Variants in SWT1 observed in about 807,000 individuals in gnomAD.
The protein encoded by SWT1 is SWT1 RNA endoribonuclease homolog.
A neutral mutation model predicts 107.3 loss-of-function variants in SWT1; 33 were observed. The ratio of observed to expected loss-of-function variants is 0.31; its 90% CI spans 0.23 to 0.41. The LOEUF (loss-of-function observed/expected upper bound fraction) is 0.41, where lower values mean the gene tolerates loss of function less well. Ranked by LOEUF, SWT1 falls within the 10% of genes least tolerant of loss-of-function variation. SWT1 has a pLI of 1.00. For missense variants in SWT1, 898 were observed against 1,028.9 expected, an observed-to-expected ratio of 0.87 and a Z score of 1.74; for synonymous variants, 345 against 348.3, an observed-to-expected ratio of 0.99 and a Z score of 0.11.
chr1:185,281,343 A>G (rs1251682721), intron 18 of SWT1: 1 of 236,276 alleles, frequency 4.2e-6, no homozygotes, highest in Non-Finnish European at 8.6e-6. Context: ...CTACAACCAC[A>G]AAAACATTTG....
chr1:185,184,408 A>G (rs1301860134), intron 8 of SWT1, 64 bp downstream of exon 8: 5 of 944,138 alleles, frequency 5.3e-6, no homozygotes, highest in South Asian at 1.4e-5. Flanking sequence ...TATATTAACA[A>G]TGATGGGCTT....
At chr1:185,171,658 C>A in intron 4 of SWT1, 1 of 526,688 alleles carries the variant, frequency 1.9e-6, no homozygotes, top group African/African-American at 1.9e-5. Flanking sequence ...ACTTCAGAAC[C>A]TGCTTCTTTT....
intron 2 of SWT1, among the ~76,000 whole-genome samples, chr1:185,165,015 C>A (rs1432581519): frequency 6.6e-6 from 1 of 152,124 alleles, no homozygotes; most frequent in Non-Finnish European, 1.5e-5. Context: ...ACTTATAATT[C>A]TTCCTTTCAC....
At chr1:185,206,306 C>T (rs1571501214) in intron 12 of SWT1, among the ~76,000 whole-genome samples, 1 of 152,230 alleles carries the variant, frequency 6.6e-6, no homozygotes, top group East Asian at 1.9e-4. Context: ...GATTAATTTT[C>T]TTATAGCGAT....
intron 4 of SWT1, among the ~76,000 whole-genome samples, chr1:185,173,971 T>C (rs1655319488): frequency 6.6e-6 from 1 of 152,118 alleles, no homozygotes; most frequent in East Asian, 1.9e-4. Flanking sequence ...CAGTGAGCCA[T>C]GTTTGCATCA....
intron 14 of SWT1, among the ~76,000 whole-genome samples, chr1:185,217,995 C>T (rs1044028889): frequency 3.9e-5 from 6 of 152,178 alleles, no homozygotes; most frequent in African/African-American, 7.2e-5. Flanking sequence ...CCCGCTTACC[C>T]GTCCATGGAA....
chr1:185,228,493 G>A (rs935019997), intron 15 of SWT1, among the ~76,000 whole-genome samples: 3 of 152,048 alleles, frequency 2.0e-5, no homozygotes, highest in Admixed American at 6.6e-5. Context: ...CCGTACTCCA[G>A]CCTGGGCAAC....
Position 185,202,818 on chromosome 1 carries a change from ATAAT to A in SWT1, c.1669+22_1669+25del. ...AAAGCAGGTAGTATTTTTACTATAA[ATAAT>A]TAGAGATATATCTTATTTTATACAC... On this transcript the variant is annotated intron_variant, in intron 11 of 18. Coordinates refer to ENST00000367500, the MANE Select transcript of SWT1 (RefSeq NM_017673.7). The A allele has an allele frequency of 1.5e-6, 2 of 1,355,476 alleles. No homozygotes were observed. Among genetic ancestry groups the A allele is most frequent in the African/African-American group, 3.0e-5 (2 of 67,550 alleles). 84.0% of individuals were successfully genotyped at this position (1,355,476 alleles called of 1,614,324 possible).
chr1:185,170,891 T>A (rs1194882503), intron 4 of SWT1, among the ~76,000 whole-genome samples: 1 of 152,226 alleles, frequency 6.6e-6, no homozygotes. Context: ...ACCTGCATTT[T>A]ATTGACACTG....
intron 15 of SWT1, among the ~76,000 whole-genome samples, chr1:185,231,175 T>G (rs555272596): frequency 6.6e-6 from 1 of 152,364 alleles, no homozygotes; most frequent in East Asian, 1.9e-4. Context: ...GATAAATTTC[T>G]ACAAGTGAAA....
intron 16 of SWT1, among the ~76,000 whole-genome samples, chr1:185,243,901 T>C (rs1392823231): frequency 6.6e-6 from 1 of 152,182 alleles, no homozygotes; most frequent in East Asian, 1.9e-4. Context: ...TTATTAAAGA[T>C]AGTGACTTTA....
chr1:185,279,275 AT>A (rs1664461133), intron 18 of SWT1, among the ~76,000 whole-genome samples: 1 of 152,186 alleles, frequency 6.6e-6, no homozygotes, highest in African/African-American at 2.4e-5. Flanking sequence ...GGAGGCCACA[AT>A]TTCTTGAAGC....
intron 18 of SWT1, among the ~76,000 whole-genome samples, chr1:185,288,242 AT>A (rs1204769524): frequency 2.6e-5 from 4 of 151,992 alleles, no homozygotes; most frequent in African/African-American, 7.3e-5. Context: ...TCAGATTTAA[AT>A]TTTTTTTATT....
At chr1:185,254,173 C>T (rs1221536646) in intron 16 of SWT1, among the ~76,000 whole-genome samples, 34 of 109,282 alleles carry the variant, frequency 3.1e-4, no homozygotes, top group Middle Eastern at 3.9e-3. Flanking sequence ...CTGCTGGATT[C>T]GTTTTGCCAG....
At chr1:185,240,006 A>G (rs1283525210) in intron 16 of SWT1, among the ~76,000 whole-genome samples, 4 of 152,074 alleles carry the variant, frequency 2.6e-5, no homozygotes, top group Non-Finnish European at 4.4e-5. Flanking sequence ...AGGTCATGTA[A>G]TCCAACTCTG....
At chr1:185,243,714 A>G (rs1661405239) in intron 16 of SWT1, among the ~76,000 whole-genome samples, 1 of 152,126 alleles carries the variant, frequency 6.6e-6, no homozygotes, top group Admixed American at 6.5e-5. Flanking sequence ...CTTAACAATA[A>G]GGTAACTGGA....
intron 18 of SWT1, among the ~76,000 whole-genome samples, chr1:185,278,816 A>G (rs924363830): frequency 1.3e-5 from 2 of 152,272 alleles, no homozygotes; most frequent in Admixed American, 1.3e-4. Context: ...TAATAAAAGT[A>G]TCACTAAACC....
At chr1:185,239,979 T>G (rs1386828427) in intron 16 of SWT1, among the ~76,000 whole-genome samples, 1 of 152,084 alleles carries the variant, frequency 6.6e-6, no homozygotes, top group African/African-American at 2.4e-5. Flanking sequence ...CTGTCATCTT[T>G]GCAGAGTTAA....
intron 16 of SWT1, 103 bp downstream of exon 16, chr1:185,231,811 C>A: frequency 1.3e-6 from 1 of 783,990 alleles, no homozygotes; most frequent in Non-Finnish European, 2.0e-6. Context: ...ATAGAATAGA[C>A]CGTGGCACTT....
Sources: gnomAD v4.1 joint callset for allele counts (sites outside exome capture counted in the v4.1 genomes callset) on GRCh38, gnomAD v4.1.1 for gene constraint, MANE v1.5 for transcripts, NCBI Gene and HGNC (gene_info 2026-07-23, HGNC 2026-07-21) for gene names.